The following MPHOSPH10 variants were observed in gnomAD, a reference collection of about 807,000 sequenced individuals.
The protein encoded by MPHOSPH10 is M-phase phosphoprotein 10.
MPHOSPH10 carries 33 observed loss-of-function variants against 77.3 expected under a neutral mutation model. The observed-to-expected ratio is 0.43, with a 90% CI of 0.32 to 0.57. The LOEUF (loss-of-function observed/expected upper bound fraction) is 0.57, where lower values mean the gene tolerates loss of function less well. Ranked by LOEUF, MPHOSPH10 falls within the 20% of genes least tolerant of loss-of-function variation. The probability of loss-of-function intolerance (pLI) is 0.07; values close to 1 mark genes in which losing one functional copy is unlikely to be tolerated. For missense variants in MPHOSPH10, 708 were observed against 780.1 expected, an observed-to-expected ratio of 0.91 and a Z score of 1.10; for synonymous variants, 245 against 268.0, an observed-to-expected ratio of 0.91 and a Z score of 0.84.
Position 71,133,343 on chromosome 2 carries a change from A to G in MPHOSPH10, c.535A>G (p.Lys179Glu). Residue 179 changes from lysine (K) to glutamate (E), a missense_variant, in exon 2 of 11, where the codon AAA becomes GAA. Physicochemically the swap from Lys to Glu is moderately conservative, Grantham distance 56. This residue lies in a region of MPHOSPH10 where 433 missense variants were observed against 432.6 expected (regional missense o/e 1.00). Coordinates refer to ENST00000244230, the MANE Select transcript of MPHOSPH10 (RefSeq NM_005791.3). ...TTCTGACCTTGACTTTGATATCAGCAAATTGGAACAGCAGAGCAAGGTGCA... is the reference window on the plus strand; with the variant it reads ...TTCTGACCTTGACTTTGATATCAGCGAATTGGAACAGCAGAGCAAGGTGCA... ...EDSDLDFDISKLEQQSKVQNK... is the reference protein window; with the variant it reads ...EDSDLDFDISELEQQSKVQNK... The G allele has an allele frequency of 6.2e-7, 1 of 1,614,170 alleles. No individual in the cohort carries two copies. Among genetic ancestry groups the G allele is most frequent in the Non-Finnish European group, 8.5e-7 (1 of 1,180,004 alleles).
chr2:71,139,736 C>A, intron 5 of MPHOSPH10, 59 bp from the exon 6 acceptor site: 1 of 1,225,146 alleles, frequency 8.2e-7, no homozygotes, highest in Non-Finnish European at 1.2e-6. Context: ...CCAAGGACTG[C>A]ACTGAATCAA....
At chr2:71,137,562 G>C (rs1439080101) in intron 4 of MPHOSPH10, among the ~76,000 whole-genome samples, 1 of 151,278 alleles carries the variant, frequency 6.6e-6, no homozygotes, top group African/African-American at 2.4e-5. Context: ...GGGAGTCCAA[G>C]GTAAGAGGAT....
At position 71,130,704 on chromosome 2, in the gene MPHOSPH10, G is replaced by C; in HGVS notation, c.39G>C (p.Arg13=). 6.2e-7 allele frequency: 1 copy of C among 1,611,084 alleles called. No homozygotes were observed. The highest frequency in any genetic ancestry group is 8.5e-7 in the Non-Finnish European group (1 of 1,179,370). Residue 13 remains arginine (R), a synonymous_variant, in exon 1 of 11, where the codon CGG becomes CGC. Transcript: ENST00000244230. Reference sequence around the variant, plus strand: ...TCTGGCGTCGACGGACCCTGGAGCGGTGTCTGACGGAAGTCGGCAAAGCCA... The same window carrying C: ...TCTGGCGTCGACGGACCCTGGAGCGCTGTCTGACGGAAGTCGGCAAAGCCA... ...PQVWRRRTLE[R]CLTEVGKATG...
Position 71,149,995 on chromosome 2 carries a change from G to T in MPHOSPH10, c.2026G>T (p.Val676Phe), listed in dbSNP as rs756517390. ...AAAGAAGAAAAGACAGGATATTTCT[G>T]TTCATAAATTAAAGCTGTAATATAT... is the stretch of plus-strand genomic sequence containing the variant. ...KKKKKRQDIS[V>F]HKLKL The change falls in exon 11 of 11, where the codon GTT (valine) becomes TTT (phenylalanine). Residue 676 changes from valine to phenylalanine, a missense_variant. Around this residue, in one of 3 missense-constraint regions of MPHOSPH10, gnomAD observed 263 missense variants for 320.0 expected, o/e 0.82. Coordinates refer to ENST00000244230, the MANE Select transcript of MPHOSPH10 (RefSeq NM_005791.3). 2.9e-6 allele frequency: 4 copies of T among 1,386,780 alleles called. 1 individual carries two copies. The Admixed American group carries it at 9.5e-5, about 33-fold the overall frequency. The allele number at this position is 1,386,780 out of a possible 1,614,324, so 85.9% of individuals were successfully genotyped here.
intron 5 of MPHOSPH10, chr2:71,139,465 A>T (rs1397065937): frequency 5.7e-6 from 1 of 175,246 alleles, no homozygotes; most frequent in Non-Finnish European, 1.2e-5. Flanking sequence ...TACCCATTAC[A>T]TCAAAATGAG....
At position 71,150,005 on chromosome 2, in the gene MPHOSPH10, T is replaced by A. The variant is rs774724935; in HGVS notation, c.2036T>A (p.Leu679Ter). 1 of 1,320,438 alleles carries A rather than the reference T, an allele frequency of 7.6e-7. No homozygotes were observed. 81.8% of individuals were successfully genotyped at this position (1,320,438 alleles called of 1,614,324 possible). Residue 679 changes from leucine (L) to a stop codon, truncating the protein, a stop_gained, in exon 11 of 11, where the codon TTA becomes TAA. Coordinates refer to ENST00000244230, the MANE Select transcript of MPHOSPH10 (RefSeq NM_005791.3). LOFTEE classifies it high-confidence loss of function. Reference protein sequence around the residue: ...KKRQDISVHKLKL With the variant: ...KKRQDISVHK ...AGACAGGATATTTCTGTTCATAAAT[T>A]AAAGCTGTAATATATTTTGAATATA... is the stretch of plus-strand genomic sequence containing the variant.
At chr2:71,136,935 CA>C (rs1673506513) in intron 4 of MPHOSPH10, among the ~76,000 whole-genome samples, 1 of 145,950 alleles carries the variant, frequency 6.9e-6, no homozygotes, top group African/African-American at 2.5e-5. Flanking sequence ...CACACACACA[CA>C]CACACACACA....
In MPHOSPH10 at chr2:71,133,982, A is replaced by G; in HGVS notation, c.803A>G (p.Asp268Gly). ...AGTTCCAGAAATCTGAAATACAAAG[A>G]TTTTTTTGATCCAGTTGAAAGTGAT... ...GKSSRNLKYK[D>G]FFDPVESDED... The change falls in exon 3 of 11, where the codon GAT becomes GGT. Residue 268 changes from aspartate (D) to glycine (G), a missense_variant. Transcript: ENST00000244230. 1 of 1,588,860 alleles carries G rather than the reference A, an allele frequency of 6.3e-7. No homozygotes were observed. The highest frequency in any genetic ancestry group is 8.6e-7 in the Non-Finnish European group (1 of 1,167,654).
At chr2:71,145,026 G>GA (rs1460150633) in intron 8 of MPHOSPH10, among the ~76,000 whole-genome samples, 2 of 152,146 alleles carry the variant, frequency 1.3e-5, no homozygotes, top group African/African-American at 4.8e-5. Flanking sequence ...TCACAGGGGA[G>GA]AAAACCAAGG....
At chr2:71,144,956 T>A (rs1673679701) in intron 8 of MPHOSPH10, among the ~76,000 whole-genome samples, 1 of 152,208 alleles carries the variant, frequency 6.6e-6, no homozygotes, top group Non-Finnish European at 1.5e-5. Context: ...CATATTAGGT[T>A]CTTTACATAC....
chr2:71,141,363 C>A lies in MPHOSPH10; in HGVS notation c.1440C>A (p.Leu480=). Residue 480 remains leucine, a synonymous_variant, in exon 7 of 11, where the codon CTC becomes CTA. Coordinates refer to ENST00000244230, the MANE Select transcript of MPHOSPH10 (RefSeq NM_005791.3). ...TTTATGAACAGGAGTACATCAAACT[C>A]AACCAGGTGAGGAAGCCTGTAAGGC... ...AEIYEQEYIK[L]NQQKTAEEEN... 1 of 1,533,862 alleles carries A rather than the reference C, an allele frequency of 6.5e-7. No homozygotes were observed.
chr2:71,136,532 A>G (rs13031606), intron 4 of MPHOSPH10, among the ~76,000 whole-genome samples: 42,375 of 151,808 alleles, frequency 0.28, 6,232 homozygotes, highest in Admixed American at 0.38. Flanking sequence ...TAAAAAAAAA[A>G]AGAGAACAGG....
rs1456093718 is a variant in MPHOSPH10, at chr2:71,139,786, A to G, written c.1241-9A>G. ...TCTACCTAATGAATAAACGTTGTAT[A>G]TCCTTTAGCACCTGTGATTACAGAG... On this transcript the variant is annotated splice_polypyrimidine_tract_variant and intron_variant, in intron 5 of 10. Transcript: ENST00000244230. 1.3e-6 allele frequency: 2 copies of G among 1,599,058 alleles called. No homozygotes were observed. Among genetic ancestry groups the G allele is most frequent in the South Asian group, 2.2e-5 (2 of 89,966 alleles).
chr2:71,139,744 C>T (rs751593248), intron 5 of MPHOSPH10, 51 bp from the exon 6 acceptor site: 1 of 1,322,438 alleles, frequency 7.6e-7, no homozygotes, highest in Non-Finnish European at 1.1e-6. Flanking sequence ...TGCACTGAAT[C>T]AATGGTCTAG....
At position 71,144,342 on chromosome 2, in the gene MPHOSPH10, A is replaced by G. The variant is rs1213811870; in HGVS notation, c.1447-86A>G. On this transcript the variant is annotated intron_variant, in intron 7 of 10. Transcript: ENST00000244230. ...GCTGAAGCTTTAGTGATGAGAAGTT[A>G]GAAATACTCTCATTGACCTTTAGTG... The G allele has an allele frequency of 1.5e-5, 15 of 990,030 alleles. No individual in the cohort carries two copies. The East Asian group carries it at 2.7e-4, about 18-fold the overall frequency. The allele number at this position is 990,030 out of a possible 1,614,324, so 61.3% of individuals were successfully genotyped here. A position where few individuals can be genotyped will look rare whatever the true frequency, so the allele number is the denominator to read the frequency against.
intron 7 of MPHOSPH10, 92 bp downstream of exon 7, chr2:71,141,461 A>T (rs1673610862): frequency 3.6e-6 from 4 of 1,112,964 alleles, no homozygotes; most frequent in Non-Finnish European, 4.8e-6. Context: ...TGAAACAGAA[A>T]TCTTGAGCTC....
At chr2:71,145,048 G>A (rs1455644095) in intron 8 of MPHOSPH10, among the ~76,000 whole-genome samples, 1 of 152,112 alleles carries the variant, frequency 6.6e-6, no homozygotes, top group Non-Finnish European at 1.5e-5. Flanking sequence ...TTAGGAGGTG[G>A]GAGAGTGAGA....
intron 8 of MPHOSPH10, among the ~76,000 whole-genome samples, chr2:71,145,376 G>A (rs747190089): frequency 1.2e-4 from 19 of 152,140 alleles, no homozygotes; most frequent in Non-Finnish European, 8.8e-5. Flanking sequence ...ATCGCTTTAC[G>A]TTTCATTTGT....
Position 71,134,090 on chromosome 2 carries a change from T to C in MPHOSPH10, c.911T>C (p.Leu304Pro), listed in dbSNP as rs1320446168. Residue 304 changes from leucine (L) to proline (P), a missense_variant, in exon 3 of 11, where the codon CTA (leucine) becomes CCA (proline). Leu to Pro is a moderately conservative substitution (Grantham distance 98). Coordinates refer to ENST00000244230, the MANE Select transcript of MPHOSPH10 (RefSeq NM_005791.3). ...DEIAEEEAEE[L>P]SISETDEDDD... ...ATTGCTGAAGAAGAAGCAGAAGAAC[T>C]AAGTATTTCGGAAACGTGAGTATTT... 1.9e-6 allele frequency: 3 copies of C among 1,605,112 alleles called. No individual in the cohort carries two copies. In the Admixed American group the frequency reaches 5.2e-5, roughly 28 times the overall value.
Sources: allele counts gnomAD v4.1 joint callset (sites outside exome capture counted in the v4.1 genomes callset), GRCh38; gene constraint gnomAD v4.1.1; regional missense constraint gnomAD v4.1.1; transcripts MANE v1.5; gene names NCBI Gene and HGNC (gene_info 2026-07-23, HGNC 2026-07-21).